The following VLDLR variants were observed in gnomAD, a reference collection of about 807,000 sequenced individuals.
VLDLR encodes the protein very low density lipoprotein receptor.
A neutral mutation model predicts 112.7 loss-of-function variants in VLDLR; 81 were observed. That is an observed-to-expected ratio of 0.72 (90% CI 0.60 to 0.86). VLDLR has a LOEUF of 0.86. Ranked by LOEUF, VLDLR falls within the 40% of genes least tolerant of loss-of-function variation. VLDLR has a pLI of 0.00. For synonymous variants in VLDLR, 436 were observed against 384.8 expected (o/e 1.13, Z -1.56); for missense variants, 1,237 against 1,099.4 (o/e 1.13, Z -1.77).
intron 1 of VLDLR, among the ~76,000 whole-genome samples, chr9:2,627,987 A>G (rs755630156): frequency 1.3e-5 from 2 of 152,146 alleles, no homozygotes; most frequent in Non-Finnish European, 1.5e-5. Flanking sequence ...AACCAGTCAC[A>G]CTTGGTTTCA....
rs961421220 is a variant in VLDLR at position 2,654,075 on chromosome 9, T to C, written c.*207T>C. 7.0e-6 allele frequency: 4 copies of C among 574,052 alleles called. No individual in the cohort carries two copies. In the Admixed American group the frequency reaches 1.1e-4, roughly 16 times the overall value. The allele number at this position is 574,052 out of a possible 1,614,324, so 35.6% of individuals were successfully genotyped here. On this transcript the variant is annotated 3_prime_UTR_variant, in exon 19 of 19. Coordinates refer to ENST00000382100, the MANE Select transcript of VLDLR (RefSeq NM_003383.5). ...CCACATTCTACTTCAGCTTTGGATGTGGTTACCGAGTATCTGTAACCCTTG... is the reference window on the plus strand; with the variant it reads ...CCACATTCTACTTCAGCTTTGGATGCGGTTACCGAGTATCTGTAACCCTTG...
rs907016469 is a variant in VLDLR at position 2,656,456 on chromosome 9, G to GA, written c.*2595dup. 3 of 141,392 alleles carry GA rather than the reference G, an allele frequency of 2.1e-5. No individual in the cohort carries two copies. In the South Asian group the frequency reaches 6.9e-4, roughly 33 times the overall value. 8.8% of individuals were successfully genotyped at this position (141,392 alleles called of 1,614,324 possible). A position where few individuals can be genotyped will look rare whatever the true frequency, so the allele number is the denominator to read the frequency against. ...AAAAAAAAAATTTATAAAAATAAAA[G>GA]AAAAAAATAGTTATATGACTAAACT... On this transcript the variant is annotated 3_prime_UTR_variant, in exon 19 of 19. Coordinates refer to ENST00000382100, the MANE Select transcript of VLDLR (RefSeq NM_003383.5).
chr9:2,628,226 T>G (rs1442029937), intron 1 of VLDLR, among the ~76,000 whole-genome samples: 1 of 152,156 alleles, frequency 6.6e-6, no homozygotes, highest in Non-Finnish European at 1.5e-5. Context: ...TCTCCTTGGG[T>G]GATGGCTCTG....
At position 2,645,720 on chromosome 9, in the gene VLDLR, G is replaced by A. The variant is rs1271175065; in HGVS notation, c.1459G>A (p.Asp487Asn). 3 of 1,614,176 alleles carry A rather than the reference G, an allele frequency of 1.9e-6. No individual in the cohort carries two copies. The highest frequency in any genetic ancestry group is 1.1e-5 in the South Asian group (1 of 91,078). Residue 487 changes from aspartate to asparagine, a missense_variant, in exon 10 of 19, where the codon GAT becomes AAT. Asp to Asn is a conservative substitution (Grantham distance 23). Transcript: ENST00000382100. Reference sequence around the variant, plus strand: ...TGCTGCCCAGAAACTATTCTGGGCCGATCTAAGCCAAAAGGCTATCTTCAG... The same window carrying A: ...TGCTGCCCAGAAACTATTCTGGGCCAATCTAAGCCAAAAGGCTATCTTCAG... ...DIAAQKLFWA[D>N]LSQKAIFSAS...
In VLDLR at chr9:2,639,992, C is replaced by T; in HGVS notation, c.325+11C>T. The stretch of plus-strand genomic sequence containing the variant: ...GCCCAGAACAGTGCCGTGAGTGTAA[C>T]TTGCTTTGGCCTTGAACTTTGCCAA... On this transcript the variant is annotated intron_variant, in intron 3 of 18. Transcript: ENST00000382100. 1 of 1,614,186 alleles carries T rather than the reference C, an allele frequency of 6.2e-7. No homozygotes were observed. Among genetic ancestry groups the T allele is most frequent in the Non-Finnish European group, 8.5e-7 (1 of 1,180,034 alleles).
At position 2,624,486 on chromosome 9, in the gene VLDLR, T is replaced by C. The variant is rs745480899; in HGVS notation, c.82+2215T>C. ...GCTAACAAGAAGTTGGTATACCTGA[T>C]TGCACAATTCCTGGGGGTTCTGGGA... On this transcript the variant is annotated intron_variant, in intron 1 of 18. Transcript: ENST00000382100. Among the ~76,000 whole-genome samples the C allele has an allele frequency of 3.5e-4, 53 of 152,222 alleles. 1 individual carries two copies. Among genetic ancestry groups the C allele is most frequent in the Non-Finnish European group, 6.6e-4 (45 of 68,040 alleles).
Position 2,645,062 on chromosome 9 carries a change from C to T in VLDLR, c.1292C>T (p.Thr431Ile), listed in dbSNP as rs755986739. Residue 431 changes from threonine (T) to isoleucine (I), a missense_variant, in exon 9 of 19, where the codon ACT (threonine) becomes ATT (isoleucine). Thr to Ile is a moderately conservative substitution (Grantham distance 89, BLOSUM62 -1). Coordinates refer to ENST00000382100, the MANE Select transcript of VLDLR (RefSeq NM_003383.5). The stretch of plus-strand genomic sequence containing the variant: ...CGTGGCTATCAAATGGATCTTGCTA[C>T]TGGCGTGTGCAAGGCAGTAGGTAAA... ...CSRGYQMDLA[T>I]GVCKAVGKEP... The T allele has an allele frequency of 8.7e-6, 14 of 1,614,178 alleles. No homozygotes were observed. The Admixed American group carries it at 2.2e-4, about 25-fold the overall frequency.
In VLDLR at chr9:2,655,145, G is replaced by A. The variant is rs966155565; in HGVS notation, c.*1277G>A. ...TGTAAACTAAAGCTTAAAAACCACCGTTTTACTGTGACTTCATGAAGAATA... is the reference window on the plus strand; with the variant it reads ...TGTAAACTAAAGCTTAAAAACCACCATTTTACTGTGACTTCATGAAGAATA... On this transcript the variant is annotated 3_prime_UTR_variant, in exon 19 of 19. Coordinates refer to ENST00000382100, the MANE Select transcript of VLDLR (RefSeq NM_003383.5). 9.9e-5 allele frequency: 15 copies of A among 152,130 alleles called. No homozygotes were observed. The highest frequency in any genetic ancestry group is 2.4e-4 in the African/African-American group (10 of 41,416). 9.4% of individuals were successfully genotyped at this position (152,130 alleles called of 1,614,324 possible). A position where few individuals can be genotyped will look rare whatever the true frequency, so the allele number is the denominator to read the frequency against.
rs1817933862 is a variant in VLDLR at position 2,643,766 on chromosome 9, TGTTG to T, written c.943+20_943+23del. 1.9e-5 allele frequency: 30 copies of T among 1,614,256 alleles called. No homozygotes were observed. Among genetic ancestry groups the T allele is most frequent in the Non-Finnish European group, 2.5e-5 (30 of 1,180,034 alleles). ...TGCAAAAATGGTAAGGGTTTCTTCT[TGTTG>T]GTTAAGCAATGGATTGCTCTGACCA... is the stretch of plus-strand genomic sequence containing the variant. On this transcript the variant is annotated intron_variant, in intron 6 of 18. Transcript: ENST00000382100.
At chr9:2,625,174 T>C (rs1430427576) in intron 1 of VLDLR, among the ~76,000 whole-genome samples, 2 of 152,370 alleles carry the variant, frequency 1.3e-5, no homozygotes, top group East Asian at 3.9e-4. Context: ...TTGAGTAGTT[T>C]CATTACAGTT....
intron 18 of VLDLR, 29 bp downstream of exon 18, chr9:2,652,978 A>G (rs1818422487): frequency 6.2e-7 from 1 of 1,613,682 alleles, no homozygotes; most frequent in Non-Finnish European, 8.5e-7. Context: ...TTTATACACC[A>G]TGGCTTGAAG....
intron 1 of VLDLR, 103 bp downstream of exon 1, chr9:2,622,374 G>A (rs2130748785): frequency 1.4e-5 from 15 of 1,071,846 alleles, no homozygotes; most frequent in Non-Finnish European, 1.9e-5. Context: ...CCTAGGAGGC[G>A]CCTCTCGGTT....
intron 17 of VLDLR, among the ~76,000 whole-genome samples, chr9:2,652,305 C>T (rs1037948222): frequency 2.6e-5 from 4 of 152,150 alleles, no homozygotes; most frequent in Admixed American, 2.0e-4. Context: ...AGGAGATGCA[C>T]AAATGCTTAA....
rs1313546735 is a variant in VLDLR at position 2,653,930 on chromosome 9, C to T, written c.*62C>T. 2.6e-6 allele frequency: 4 copies of T among 1,563,012 alleles called. No homozygotes were observed. Among genetic ancestry groups the T allele is most frequent in the East Asian group, 4.5e-5 (2 of 44,620 alleles). On this transcript the variant is annotated 3_prime_UTR_variant, in exon 19 of 19. Transcript: ENST00000382100. ...AATAATACCCCCGTCGGAATGGTAA[C>T]CGAGCCAGCAGCTGAAGTCTCTTTT... is the stretch of plus-strand genomic sequence containing the variant.
At chr9:2,628,234 C>A (rs1037512530) in intron 1 of VLDLR, among the ~76,000 whole-genome samples, 1 of 152,118 alleles carries the variant, frequency 6.6e-6, no homozygotes, top group Non-Finnish European at 1.5e-5. Flanking sequence ...GGTGATGGCT[C>A]TGTGACAGGG....
Position 2,639,687 on chromosome 9 carries a change from G to GA in VLDLR, c.203-164dup, listed in dbSNP as rs529862145. 4.6e-5 allele frequency among the ~76,000 whole-genome samples: 7 copies of GA among 151,978 alleles called. No individual in the cohort carries two copies. In the East Asian group the frequency reaches 1.2e-3, roughly 25 times the overall value. ...TCTCAAATGAGCATCTTCCTCCTCT[G>GA]AAAAAAAATAATAATTTTTCTGAAG... is the stretch of plus-strand genomic sequence containing the variant. On this transcript the variant is annotated intron_variant, in intron 2 of 18. Coordinates refer to ENST00000382100, the MANE Select transcript of VLDLR (RefSeq NM_003383.5).
chr9:2,650,378 T>C lies in VLDLR; in HGVS notation c.2113T>C (p.Trp705Arg). ...TTTTTTTTCCTGACTAGGTAAAAAT[T>C]GGTGTGAAGAAGACATGGAGAATGG... is the stretch of plus-strand genomic sequence containing the variant. The part of the protein sequence containing the change: ...HELVQPSGKN[W>R]CEEDMENGGC... The change falls in exon 15 of 19, where the codon TGG becomes CGG. Residue 705 changes from tryptophan to arginine, a missense_variant. Physicochemically the swap from Trp to Arg is moderately radical, Grantham distance 101. Transcript: ENST00000382100. The C allele has an allele frequency of 1.9e-6, 3 of 1,614,072 alleles. No homozygotes were observed. The South Asian group carries it at 3.3e-5, about 18-fold the overall frequency.
At chr9:2,632,017 G>C (rs1377805503) in intron 1 of VLDLR, among the ~76,000 whole-genome samples, 2 of 152,114 alleles carry the variant, frequency 1.3e-5, no homozygotes, top group African/African-American at 4.8e-5. Context: ...ATAAGTGACA[G>C]TAAAAGTGAG....
At chr9:2,627,319 C>T in intron 1 of VLDLR, among the ~76,000 whole-genome samples, 1 of 152,178 alleles carries the variant, frequency 6.6e-6, no homozygotes, top group Non-Finnish European at 1.5e-5. Context: ...TCTATGTCTG[C>T]AGATAATCCT....
Sources: allele counts gnomAD v4.1 joint callset (sites outside exome capture counted in the v4.1 genomes callset), GRCh38; gene constraint gnomAD v4.1.1; transcripts MANE v1.5; gene names NCBI Gene and HGNC (gene_info 2026-07-23, HGNC 2026-07-21).